The following MYPN variants were observed in gnomAD, a reference collection of about 807,000 sequenced individuals.
The protein encoded by MYPN is myopalladin.
A neutral mutation model predicts 129.4 loss-of-function variants in MYPN; 63 were observed. The observed-to-expected ratio is 0.49, with a 90% CI of 0.40 to 0.60. MYPN has a LOEUF of 0.60. Among genes scored for constraint, MYPN ranks in the 20% least tolerant of loss-of-function variants. The pLI is 0.00. For synonymous variants in MYPN, 629 were observed against 600.9 expected, an observed-to-expected ratio of 1.05 and a Z score of -0.68; for missense variants, 1,596 against 1,635.4, an observed-to-expected ratio of 0.98 and a Z score of 0.42.
At chr10:68,138,598 T>C (rs1166032508) in intron 2 of MYPN, among the ~76,000 whole-genome samples, 2 of 152,180 alleles carry the variant, frequency 1.3e-5, no homozygotes, top group Admixed American at 6.5e-5. Context: ...ATCTTTGTAT[T>C]ATATAAAAAT....
At chr10:68,182,479 C>CATATATATA (rs1183538061) in intron 12 of MYPN, among the ~76,000 whole-genome samples, 1 of 137,882 alleles carries the variant, frequency 7.3e-6, no homozygotes, top group African/African-American at 2.9e-5. Context: ...TATACACACA[C>CATATATATA]ACACACACAC....
At chr10:68,151,708 A>G (rs1175059565) in intron 6 of MYPN, among the ~76,000 whole-genome samples, 8 of 152,200 alleles carry the variant, frequency 5.3e-5, no homozygotes, top group African/African-American at 1.4e-4. Context: ...AGTCTCAGCT[A>G]AAGTCTCCCC....
chr10:68,162,122 C>T (rs1035152444), intron 8 of MYPN: 47 of 137,434 alleles, frequency 3.4e-4, no homozygotes, highest in South Asian at 2.1e-4. Flanking sequence ...GAGCCGAGAT[C>T]GTGACACTAC....
intron 2 of MYPN, among the ~76,000 whole-genome samples, chr10:68,133,231 G>T (rs2042437529): frequency 1.3e-5 from 2 of 151,856 alleles, no homozygotes; most frequent in Non-Finnish European, 1.5e-5. Context: ...TGCCATATTG[G>T]CCAAGCTAGT....
chr10:68,199,967 T>C (rs1028918011), intron 17 of MYPN, among the ~76,000 whole-genome samples: 1 of 152,218 alleles, frequency 6.6e-6, no homozygotes, highest in African/African-American at 2.4e-5. Flanking sequence ...CTTTTCTACC[T>C]GAATGTCCTT....
upstream of MYPN, among the ~76,000 whole-genome samples, chr10:68,102,008 C>G (rs1476117899): frequency 6.6e-6 from 1 of 151,838 alleles, no homozygotes; most frequent in African/African-American, 2.4e-5. Context: ...TTTTTTGATA[C>G]TGCCCAGAAT....
chr10:68,124,911 A>G (rs2134005807), intron 2 of MYPN, among the ~76,000 whole-genome samples: 1 of 152,328 alleles, frequency 6.6e-6, no homozygotes, highest in Admixed American at 6.5e-5. Flanking sequence ...AGATGTCACT[A>G]CAGCCCCATG....
chr10:68,097,037 C>T (rs191560012), intron 1 of MYPN, among the ~76,000 whole-genome samples: 1 of 152,294 alleles, frequency 6.6e-6, no homozygotes, highest in East Asian at 1.9e-4. Flanking sequence ...GTTGTCAGAT[C>T]AAATTATAAT....
rs750903219 is a variant in MYPN, at chr10:68,199,581, G to A, written c.3493+6G>A. On this transcript the variant is annotated splice_donor_region_variant and intron_variant, in intron 17 of 19. Coordinates refer to ENST00000358913, the MANE Select transcript of MYPN (RefSeq NM_032578.4). ...TCTGGAGCTCTCTGTAGTAGGTAAG[G>A]TTTGCTGCTGGGACCCCTAAACACA... 8.8e-6 allele frequency: 14 copies of A among 1,582,742 alleles called. No individual in the cohort carries two copies. The African/African-American group carries it at 1.4e-4, about 16-fold the overall frequency.
chr10:68,173,422 T>G (rs1225206440), intron 10 of MYPN, among the ~76,000 whole-genome samples: 1 of 152,162 alleles, frequency 6.6e-6, no homozygotes, highest in African/African-American at 2.4e-5. Flanking sequence ...CTTTTCCAAT[T>G]TATAAACTCT....
chr10:68,147,348 G>T (rs776530563), intron 4 of MYPN, among the ~76,000 whole-genome samples: 1 of 152,052 alleles, frequency 6.6e-6, no homozygotes, highest in Non-Finnish European at 1.5e-5. Flanking sequence ...GTAGAGATGG[G>T]GTTTCGCCAT....
rs143721084 is a variant in MYPN at position 68,126,841 on chromosome 10, A to G, written c.902+4501A>G. Among the ~76,000 whole-genome samples the G allele has an allele frequency of 1.9e-3, 289 of 152,364 alleles. 1 individual carries two copies. The Middle Eastern group carries it at 0.02, about 11-fold the overall frequency. On this transcript the variant is annotated intron_variant, in intron 2 of 19. Coordinates refer to ENST00000358913, the MANE Select transcript of MYPN (RefSeq NM_032578.4). ...AGCCAGAAATGCAGGACTGAAAGTC[A>G]GATGAGAGAGTAGTGGAACTAGAAA...
rs2043198733 is a variant in MYPN at position 68,174,634 on chromosome 10, C to A, written c.2542C>A (p.Leu848Met). 6.2e-7 allele frequency: 1 copy of A among 1,614,170 alleles called. No homozygotes were observed. The highest frequency in any genetic ancestry group is 8.5e-7 in the Non-Finnish European group (1 of 1,180,010). The change falls in exon 11 of 20, where the codon CTG (leucine) becomes ATG (methionine). Residue 848 changes from leucine (L) to methionine (M), a missense_variant. Physicochemically the swap from Leu to Met is conservative, Grantham distance 15. Transcript: ENST00000358913. ...CATCCCACCCACAAATGCCATGGGGCTGCCTAGAAGTGCACCATCCATGTA... is the reference window on the plus strand; with the variant it reads ...CATCCCACCCACAAATGCCATGGGGATGCCTAGAAGTGCACCATCCATGTA... ...PAIPPTNAMG[L>M]PRSAPSMPSQ...
chr10:68,124,381 A>G (rs1322926083), intron 2 of MYPN, among the ~76,000 whole-genome samples: 1 of 152,164 alleles, frequency 6.6e-6, no homozygotes, highest in African/African-American at 2.4e-5. Context: ...TTACTATTTA[A>G]CATTTATTCT....
chr10:68,141,262 G>T (rs369277945), intron 2 of MYPN, among the ~76,000 whole-genome samples: 3 of 152,064 alleles, frequency 2.0e-5, no homozygotes, highest in African/African-American at 7.2e-5. Flanking sequence ...CCTGCTACTC[G>T]GGAGGCTGAG....
At chr10:68,156,740 C>T (rs759811612) in intron 6 of MYPN, among the ~76,000 whole-genome samples, 1 of 152,122 alleles carries the variant, frequency 6.6e-6, no homozygotes, top group Non-Finnish European at 1.5e-5. Flanking sequence ...TAAAAAATAA[C>T]GAAATATTCG....
intron 1 of MYPN, among the ~76,000 whole-genome samples, chr10:68,095,547 C>T (rs552742250): frequency 6.6e-6 from 1 of 152,300 alleles, no homozygotes; most frequent in South Asian, 2.1e-4. Flanking sequence ...TACCTAGAAC[C>T]AGCCTAATGT....
At chr10:68,144,276 T>C (rs150511832) in intron 3 of MYPN, among the ~76,000 whole-genome samples, 2,247 of 152,306 alleles carry the variant, frequency 0.015, 57 homozygotes, top group Non-Finnish European at 0.016. Flanking sequence ...TGCAGATCAT[T>C]CTTTAGCACT....
At chr10:68,141,773 T>C (rs2042582485) in intron 2 of MYPN, among the ~76,000 whole-genome samples, 1 of 152,196 alleles carries the variant, frequency 6.6e-6, no homozygotes, top group South Asian at 2.1e-4. Context: ...CTTCCACATA[T>C]CTATGGTGGG....
Sources: gnomAD v4.1 joint callset for allele counts (sites outside exome capture counted in the v4.1 genomes callset) on GRCh38, gnomAD v4.1.1 for gene constraint, MANE v1.5 for transcripts, NCBI Gene and HGNC (gene_info 2026-07-23, HGNC 2026-07-21) for gene names.